The following ABI3BP variants were observed in gnomAD, a reference collection of about 807,000 sequenced individuals.
ABI3BP encodes the protein ABI family member 3 binding protein.
Under a neutral mutation model 268.6 loss-of-function variants are expected in ABI3BP, and 216 were observed. The ratio of observed to expected loss-of-function variants is 0.80; its 90% CI spans 0.72 to 0.90. The LOEUF is 0.90. Ranked by LOEUF, ABI3BP falls within the 40% of genes least tolerant of loss-of-function variation. The probability of loss-of-function intolerance (pLI) is 0.00; values close to 1 mark genes in which losing one functional copy is unlikely to be tolerated. For missense variants in ABI3BP, 2,090 were observed against 2,182.4 expected (o/e 0.96, Z 0.84); for synonymous variants, 730 against 730.0 (o/e 1.00, Z 0.00).
intron 2 of ABI3BP, chr3:100,911,724 T>G (rs764262016): frequency 6.0e-6 from 5 of 828,556 alleles, no homozygotes; most frequent in African/African-American, 1.7e-5. Flanking sequence ...AAGTCCTCTT[T>G]GAGGTTTCAA....
Position 100,760,417 on chromosome 3 carries a change from CTCCG to C in ABI3BP, c.4850+5420_4850+5423del, listed in dbSNP as rs2095872402. On this transcript the variant is annotated intron_variant, in intron 63 of 67. Coordinates refer to ENST00000471714, the MANE Select transcript of ABI3BP (RefSeq NM_001375547.2). ...TGCCCAGCCAGTTCATTAGGAAGAA[CTCCG>C]TCCATCAGTGGATTATCAAAATGTG... is the stretch of plus-strand genomic sequence containing the variant. 2.6e-5 allele frequency among the ~76,000 whole-genome samples: 4 copies of C among 152,174 alleles called. No homozygotes were observed. The South Asian group carries it at 8.3e-4, about 32-fold the overall frequency.
chr3:100,841,901 G>GAAAAAAA (rs66923918), intron 21 of ABI3BP, 97 bp downstream of exon 21: 5 of 818,896 alleles, frequency 6.1e-6, no homozygotes, highest in Non-Finnish European at 5.3e-6. Context: ...ATCTGGAGAA[G>GAAAAAAA]AAAAAAAAAA....
At chr3:100,946,606 T>C (rs2072478452) in intron 1 of ABI3BP, among the ~76,000 whole-genome samples, 1 of 151,750 alleles carries the variant, frequency 6.6e-6, no homozygotes, top group Admixed American at 6.6e-5. Context: ...CTGACCAACA[T>C]GGAGAAACCC....
intron 61 of ABI3BP, 134 bp downstream of exon 61, chr3:100,774,471 C>T (rs2096644295): frequency 1.6e-6 from 1 of 634,068 alleles, no homozygotes; most frequent in African/African-American, 1.9e-5. Flanking sequence ...GACTTGCAGA[C>T]ACCCATGAAA....
rs767620370 is a variant in ABI3BP, at chr3:100,821,142, T to C, written c.2888-29A>G. The C allele has an allele frequency of 2.6e-6, 4 of 1,521,674 alleles. No homozygotes were observed. The South Asian group carries it at 3.6e-5, about 14-fold the overall frequency. 94.3% of individuals were successfully genotyped at this position (1,521,674 alleles called of 1,614,324 possible). On this transcript the variant is annotated intron_variant, in intron 38 of 67. Coordinates refer to ENST00000471714, the MANE Select transcript of ABI3BP (RefSeq NM_001375547.2). ...ATCAAAAGCATTAAAATTAACCAAA[T>C]GATTATTTTAAATGAATGTAAACTC...
intron 18 of ABI3BP, 102 bp from the exon 19 acceptor site, chr3:100,847,775 A>G: frequency 3.3e-6 from 3 of 922,360 alleles, no homozygotes. Flanking sequence ...TGCCATATTT[A>G]GTAGTCAAAG....
At chr3:100,872,490 G>A (rs775241508) in intron 9 of ABI3BP, among the ~76,000 whole-genome samples, 57 of 152,128 alleles carry the variant, frequency 3.7e-4, no homozygotes, top group Non-Finnish European at 8.1e-4. Context: ...ACTGACAGCC[G>A]TGGTCTGAGA....
chr3:100,863,829 A>G, intron 12 of ABI3BP, 173 bp downstream of exon 12: 1 of 563,446 alleles, frequency 1.8e-6, no homozygotes, highest in Non-Finnish European at 3.1e-6. Flanking sequence ...AAGAAAAACA[A>G]CCCAACCAAA....
intron 3 of ABI3BP, among the ~76,000 whole-genome samples, chr3:100,899,627 A>G (rs1391581757): frequency 6.6e-6 from 1 of 152,206 alleles, no homozygotes; most frequent in Non-Finnish European, 1.5e-5. Context: ...TGCACTTTCA[A>G]AATTATCTGA....
At chr3:100,973,603 TA>T (rs2084729083) in intron 1 of ABI3BP, among the ~76,000 whole-genome samples, 1 of 152,134 alleles carries the variant, frequency 6.6e-6, no homozygotes, top group Non-Finnish European at 1.5e-5. Context: ...ACACTTTCAT[TA>T]TGAATGAAGA....
chr3:100,819,947 C>CAAAAAAA (rs3029879), intron 40 of ABI3BP, among the ~76,000 whole-genome samples: 2 of 94,636 alleles, frequency 2.1e-5, no homozygotes, highest in Admixed American at 1.2e-4. Context: ...GACTCCGTCT[C>CAAAAAAA]AAAAAAAAAA....
chr3:100,950,911 G>A (rs1161465166), intron 1 of ABI3BP, among the ~76,000 whole-genome samples: 1 of 151,752 alleles, frequency 6.6e-6, no homozygotes, highest in Non-Finnish European at 1.5e-5. Flanking sequence ...CACGTGCCCA[G>A]GGAACATTAC....
chr3:100,828,627 A>C (rs1174474322), intron 33 of ABI3BP, among the ~76,000 whole-genome samples, 175 bp from the exon 34 acceptor site: 1 of 152,148 alleles, frequency 6.6e-6, no homozygotes, highest in Middle Eastern at 3.2e-3. Context: ...GTACCAATTC[A>C]TCTCTTAGGA....
chr3:100,914,330 A>G (rs537339347), intron 2 of ABI3BP: 1 of 390,806 alleles, frequency 2.6e-6, no homozygotes, highest in South Asian at 1.9e-5. Flanking sequence ...GTTATGCCCC[A>G]TGGCTTGGAG....
At chr3:100,830,757 C>A in intron 31 of ABI3BP, 123 bp from the exon 32 acceptor site, 2 of 714,698 alleles carry the variant, frequency 2.8e-6, no homozygotes, top group South Asian at 2.3e-5. Context: ...TATCATAACT[C>A]AAAAGAAAGT....
chr3:100,752,671 T>C, intron 66 of ABI3BP, 116 bp downstream of exon 66: 2 of 1,115,184 alleles, frequency 1.8e-6, no homozygotes, highest in Non-Finnish European at 2.5e-6. Context: ...AGAGGAAAAC[T>C]TGTGTTTACA....
intron 60 of ABI3BP, 92 bp from the exon 61 acceptor site, chr3:100,774,765 T>A: frequency 1.0e-6 from 1 of 987,210 alleles, no homozygotes; most frequent in South Asian, 1.7e-5. Flanking sequence ...ATTCAATATT[T>A]CTTCTTGTAA....
At chr3:100,759,176 G>T (rs1249450426) in intron 63 of ABI3BP, among the ~76,000 whole-genome samples, 1 of 152,094 alleles carries the variant, frequency 6.6e-6, no homozygotes, top group East Asian at 1.9e-4. Context: ...CTGTTGGTTT[G>T]AGTTGTTCAG....
At chr3:100,818,460 A>G in intron 41 of ABI3BP, 65 bp downstream of exon 41, 2 of 1,324,044 alleles carry the variant, frequency 1.5e-6, no homozygotes, top group South Asian at 1.3e-5. Context: ...TGAAGAAGAA[A>G]CTGACTACAG....
Sources: allele counts gnomAD v4.1 joint callset (sites outside exome capture counted in the v4.1 genomes callset), GRCh38; gene constraint gnomAD v4.1.1; transcripts MANE v1.5; gene names NCBI Gene and HGNC (gene_info 2026-07-23, HGNC 2026-07-21).